The following SEMA5B variants were observed in gnomAD, a reference collection of about 807,000 sequenced individuals.
The protein encoded by SEMA5B is semaphorin-5B.
Under a neutral mutation model 135.0 loss-of-function variants are expected in SEMA5B, and 66 were observed. That is an observed-to-expected ratio of 0.49 (90% CI 0.40 to 0.60). The LOEUF (loss-of-function observed/expected upper bound fraction) is 0.60, where lower values mean the gene tolerates loss of function less well. Among genes scored for constraint, SEMA5B ranks in the 20% least tolerant of loss-of-function variants. The pLI is 0.00. For missense variants in SEMA5B, 1,501 were observed against 1,566.3 expected, an observed-to-expected ratio of 0.96 and a Z score of 0.70; for synonymous variants, 690 against 639.5, an observed-to-expected ratio of 1.08 and a Z score of -1.19.
At chr3:122,972,017 G>C (rs1379589251) in intron 1 of SEMA5B, among the ~76,000 whole-genome samples, 1 of 152,216 alleles carries the variant, frequency 6.6e-6, no homozygotes, top group East Asian at 1.9e-4. Flanking sequence ...ACAAACGCTT[G>C]TTGTCCACAT....
chr3:122,976,127 G>A, intron 1 of SEMA5B: 1 of 1,535,312 alleles, frequency 6.5e-7, no homozygotes, highest in African/African-American at 1.4e-5. Context: ...GCAGCATGTG[G>A]TTTATACACT....
At chr3:122,994,845 A>G (rs1271652982) in intron 1 of SEMA5B, among the ~76,000 whole-genome samples, 3 of 152,190 alleles carry the variant, frequency 2.0e-5, no homozygotes, top group Non-Finnish European at 4.4e-5. Flanking sequence ...TGAAATGGGT[A>G]CTGTGCCACC....
chr3:122,918,332 A>C (rs1003703730), intron 12 of SEMA5B, among the ~76,000 whole-genome samples: 1 of 152,222 alleles, frequency 6.6e-6, no homozygotes, highest in African/African-American at 2.4e-5. Flanking sequence ...CTTCACTGCA[A>C]ATTAGGATCT....
At chr3:122,969,014 C>G (rs899193935) in intron 1 of SEMA5B, among the ~76,000 whole-genome samples, 1 of 152,226 alleles carries the variant, frequency 6.6e-6, no homozygotes, top group African/African-American at 2.4e-5. Context: ...GGTGAAAATA[C>G]ATGGGTTCTG....
intron 1 of SEMA5B, among the ~76,000 whole-genome samples, chr3:122,988,401 T>G (rs915321962): frequency 6.6e-6 from 1 of 152,140 alleles, no homozygotes; most frequent in Non-Finnish European, 1.5e-5. Flanking sequence ...ACCGTCTGTA[T>G]CCTCCATGTG....
At position 122,926,662 on chromosome 3, in the gene SEMA5B, G is replaced by A. The variant is rs147943771; in HGVS notation, c.866C>T (p.Ala289Val). The change falls in exon 9 of 23, where the codon GCA becomes GTA. Residue 289 changes from alanine (A) to valine (V), a missense_variant. By Grantham distance (64) the Ala-to-Val change is moderately conservative. Coordinates refer to ENST00000357599, the MANE Select transcript of SEMA5B (RefSeq NM_001031702.4). The stretch of plus-strand genomic sequence containing the variant: ...TGCAAACAGCCCAATATCATAGGCT[G>A]CCACGAAGTTTGGCTCTGGGTGGGC... Reference protein sequence around the residue: ...SKWLNEPNFVAAYDIGLFAYF... With the variant: ...SKWLNEPNFVVAYDIGLFAYF... 3.8e-5 allele frequency: 61 copies of A among 1,610,904 alleles called. No individual in the cohort carries two copies. In the African/African-American group the frequency reaches 7.5e-4, roughly 20 times the overall value.
intron 14 of SEMA5B, among the ~76,000 whole-genome samples, 180 bp from the exon 15 acceptor site, chr3:122,914,181 T>C (rs541817479): frequency 6.6e-6 from 1 of 152,376 alleles, no homozygotes; most frequent in East Asian, 1.9e-4. Context: ...CGTTCATTTA[T>C]TCCTCCTTCA....
intron 1 of SEMA5B, among the ~76,000 whole-genome samples, chr3:123,013,489 T>G (rs1413799993): frequency 3.9e-5 from 6 of 152,118 alleles, no homozygotes; most frequent in Non-Finnish European, 7.3e-5. Context: ...CCTTCTGAAG[T>G]AGGTATGATG....
Position 122,922,039 on chromosome 3 carries a change from G to C in SEMA5B, c.1564C>G (p.Pro522Ala), listed in dbSNP as rs892818358. The change falls in exon 12 of 23, where the codon CCC becomes GCC. Residue 522 changes from proline to alanine, a missense_variant. Transcript: ENST00000357599. The stretch of plus-strand genomic sequence containing the variant: ...CTGCGCAGGGGCTCGCGGCGCCCGG[G>C]GGGCAGCACGTGCAGCTCCTCCAGG... ...CYLEELHVLP[P>A]GRREPLRSLR... The C allele has an allele frequency of 5.2e-5, 78 of 1,495,582 alleles. No individual in the cohort carries two copies. The highest frequency in any genetic ancestry group is 7.0e-5 in the African/African-American group (5 of 71,762). 92.6% of individuals were successfully genotyped at this position (1,495,582 alleles called of 1,614,324 possible). A position where few individuals can be genotyped will look rare whatever the true frequency, so the allele number is the denominator to read the frequency against.
intron 1 of SEMA5B, among the ~76,000 whole-genome samples, chr3:122,964,583 T>C (rs1422754480): frequency 2.0e-5 from 3 of 152,216 alleles, no homozygotes; most frequent in African/African-American, 7.2e-5. Flanking sequence ...CCTCTGGGCT[T>C]TGGTCTCTCT....
chr3:122,960,222 TC>T (rs1940515342), intron 2 of SEMA5B, among the ~76,000 whole-genome samples: 1 of 152,108 alleles, frequency 6.6e-6, no homozygotes, highest in African/African-American at 2.4e-5. Flanking sequence ...TCTACTCACT[TC>T]CCCCAGTAAG....
chr3:123,008,832 G>T (rs1423516454), intron 1 of SEMA5B, among the ~76,000 whole-genome samples: 2 of 152,126 alleles, frequency 1.3e-5, no homozygotes, highest in South Asian at 2.1e-4. Context: ...AGTGGCAGGG[G>T]TTTTCCCTGG....
At chr3:123,020,064 T>G (rs996773059) in intron 1 of SEMA5B, among the ~76,000 whole-genome samples, 1 of 152,256 alleles carries the variant, frequency 6.6e-6, no homozygotes, top group African/African-American at 2.4e-5. Flanking sequence ...TGAAAAAGCA[T>G]CAATATTCCA....
At chr3:122,968,688 C>T (rs1940980441) in intron 1 of SEMA5B, among the ~76,000 whole-genome samples, 1 of 152,168 alleles carries the variant, frequency 6.6e-6, no homozygotes, top group Non-Finnish European at 1.5e-5. Context: ...TGTCCATCCT[C>T]CAGGCACCAG....
chr3:123,003,845 TAAA>T, intron 1 of SEMA5B, among the ~76,000 whole-genome samples: 2 of 151,722 alleles, frequency 1.3e-5, no homozygotes. Flanking sequence ...AATAAATAAA[TAAA>T]TAAATAAATA....
At chr3:122,948,485 C>T (rs775645329) in intron 3 of SEMA5B, 21 bp downstream of exon 3, 31 of 1,584,200 alleles carry the variant, frequency 2.0e-5, no homozygotes, top group Non-Finnish European at 2.2e-5. Flanking sequence ...AAGACAGGGC[C>T]AAGTAGGAAG....
intron 1 of SEMA5B, among the ~76,000 whole-genome samples, chr3:123,009,416 A>G (rs935236236): frequency 6.6e-6 from 1 of 152,142 alleles, no homozygotes. Context: ...CACATCAGGG[A>G]TAAACACAGA....
At chr3:123,006,950 G>C (rs964157123) in intron 1 of SEMA5B, among the ~76,000 whole-genome samples, 1 of 152,052 alleles carries the variant, frequency 6.6e-6, no homozygotes, top group Non-Finnish European at 1.5e-5. Context: ...GCCTCTCTTT[G>C]CATCCCCGGT....
chr3:122,956,293 T>C (rs1039519835), intron 2 of SEMA5B, among the ~76,000 whole-genome samples: 4 of 152,246 alleles, frequency 2.6e-5, no homozygotes, highest in African/African-American at 7.2e-5. Flanking sequence ...GTCACTCTTA[T>C]GGTGCCTGGA....
Sources: gnomAD v4.1 joint callset for allele counts (sites outside exome capture counted in the v4.1 genomes callset) on GRCh38, gnomAD v4.1.1 for gene constraint, MANE v1.5 for transcripts, NCBI Gene and HGNC (gene_info 2026-07-23, HGNC 2026-07-21) for gene names.